The following MCCC1 variants were observed in gnomAD, a reference collection of about 807,000 sequenced individuals.
MCCC1 encodes methylcrotonyl-CoA carboxylase subunit 1.
MCCC1 carries 64 observed loss-of-function variants against 83.8 expected under a neutral mutation model. The ratio of observed to expected loss-of-function variants is 0.76; its 90% CI spans 0.62 to 0.94. MCCC1 has a LOEUF of 0.94. Among genes scored for constraint, MCCC1 ranks in the 40% least tolerant of loss-of-function variants. The pLI is 0.00. For synonymous variants in MCCC1, 322 were observed against 315.4 expected (o/e 1.02, Z -0.22); for missense variants, 807 against 904.7 (o/e 0.89, Z 1.39).
chr3:183,086,046 A>G (rs551637443), intron 4 of MCCC1, among the ~76,000 whole-genome samples: 2 of 152,284 alleles, frequency 1.3e-5, no homozygotes, highest in South Asian at 2.1e-4. Flanking sequence ...TGTTATTATT[A>G]AAGGGTAATT....
At chr3:183,072,537 C>T in intron 4 of MCCC1, 50 bp from the exon 5 acceptor site, 1 of 1,606,056 alleles carries the variant, frequency 6.2e-7, no homozygotes, top group Non-Finnish European at 8.5e-7. Context: ...GCTCAACTGG[C>T]AACACCTTAA....
chr3:183,082,682 C>T (rs1042426687), intron 4 of MCCC1, among the ~76,000 whole-genome samples: 2 of 152,120 alleles, frequency 1.3e-5, no homozygotes, highest in Non-Finnish European at 2.9e-5. Context: ...AACTGGCAAT[C>T]GAGAGAACGA....
In MCCC1 at chr3:183,045,092, C is replaced by CT. The variant is rs35283773; in HGVS notation, c.1083+320dup. On this transcript the variant is annotated intron_variant, in intron 10 of 18. Transcript: ENST00000265594. ...TCACATCCCTCCCATCAAGACTGAT[C>CT]TTTTTTTTTTTTTTTTTAAGATGGA... 0.035 allele frequency among the ~76,000 whole-genome samples: 4,795 copies of CT among 137,766 alleles called. 176 individuals are homozygous for CT. The highest frequency in any genetic ancestry group is 0.096 in the East Asian group (449 of 4,696). The allele number at this position is 137,766 out of a possible 152,430, so 90.4% of individuals were successfully genotyped here.
At chr3:183,093,778 A>G (rs1235077021) in intron 2 of MCCC1, among the ~76,000 whole-genome samples, 1 of 152,194 alleles carries the variant, frequency 6.6e-6, no homozygotes, top group Non-Finnish European at 1.5e-5. Context: ...CAGGGGAAGG[A>G]GAGCACAGTA....
At chr3:183,017,195 TA>T in intron 18 of MCCC1, 70 bp downstream of exon 18, 1 of 1,358,320 alleles carries the variant, frequency 7.4e-7, no homozygotes. Flanking sequence ...ACTTACAAAA[TA>T]AGGCAAAAGA....
intron 15 of MCCC1, among the ~76,000 whole-genome samples, chr3:183,025,072 G>A (rs530797402): frequency 1.2e-4 from 18 of 152,080 alleles, no homozygotes; most frequent in East Asian, 5.8e-4. Context: ...ACATTATTCC[G>A]CTTATATCAG....
Position 183,071,085 on chromosome 3 carries a change from T to C in MCCC1, c.675A>G (p.Gln225=). The C allele has an allele frequency of 6.2e-7, 1 of 1,614,256 alleles. No individual in the cohort carries two copies. Among genetic ancestry groups the C allele is most frequent in the South Asian group, 1.1e-5 (1 of 91,086 alleles). ...CTCTCCGTGCTGACTCTAACTGTTC[T>C]TGAAATTCTTGTTCTGATCTAACAA... ...MRIVRSEQEF[Q]EQLESARREA... The change falls in exon 7 of 19, where the codon CAA becomes CAG. Residue 225 remains glutamine, a synonymous_variant. Transcript: ENST00000265594.
intron 7 of MCCC1, among the ~76,000 whole-genome samples, chr3:183,067,406 A>G (rs1348695788): frequency 6.6e-6 from 1 of 152,252 alleles, no homozygotes; most frequent in Non-Finnish European, 1.5e-5. Context: ...AAAAGCCTGT[A>G]TGGCAAATAA....
chr3:183,044,784 C>A (rs759616315), intron 10 of MCCC1, among the ~76,000 whole-genome samples: 2 of 152,132 alleles, frequency 1.3e-5, no homozygotes, highest in Non-Finnish European at 2.9e-5. Context: ...GCTACAGCAT[C>A]AAATGTGGCT....
intron 3 of MCCC1, among the ~76,000 whole-genome samples, chr3:183,089,959 T>G (rs1201854842): frequency 6.6e-6 from 1 of 152,184 alleles, no homozygotes; most frequent in Non-Finnish European, 1.5e-5. Flanking sequence ...TGGATATATA[T>G]GTATCATGCT....
Position 183,064,939 on chromosome 3 carries a change from C to T in MCCC1, c.761+6060G>A, listed in dbSNP as rs543066510. On this transcript the variant is annotated intron_variant, in intron 7 of 18. Transcript: ENST00000265594. The surrounding 1 kb of genome is among the most constrained non-coding windows in gnomAD (Gnocchi z 4.5). Reference sequence around the variant, plus strand: ...TCCTGCCACAAAGCAATGCTTTTCTCCCTTCCCTTCCCTTTCTCTCTCTGT... The same window carrying T: ...TCCTGCCACAAAGCAATGCTTTTCTTCCTTCCCTTCCCTTTCTCTCTCTGT... 8.9e-4 allele frequency among the ~76,000 whole-genome samples: 135 copies of T among 152,294 alleles called. No homozygotes were observed. The highest frequency in any genetic ancestry group is 3.1e-3 in the African/African-American group (127 of 41,572).
upstream of MCCC1, among the ~76,000 whole-genome samples, chr3:183,104,316 A>G (rs1274517597): frequency 2.6e-5 from 4 of 151,706 alleles, no homozygotes; most frequent in Non-Finnish European, 5.9e-5. Context: ...TCTCAGTTTC[A>G]CCATGTTGGC....
intron 12 of MCCC1, among the ~76,000 whole-genome samples, chr3:183,038,503 G>T (rs745796716): frequency 2.0e-4 from 30 of 152,084 alleles, no homozygotes; most frequent in Non-Finnish European, 3.2e-4. Flanking sequence ...ATCCTTCTAT[G>T]AGCCAAATCA....
chr3:183,053,123 T>TA (rs1715116901), intron 8 of MCCC1, among the ~76,000 whole-genome samples: 1 of 152,150 alleles, frequency 6.6e-6, no homozygotes, highest in South Asian at 2.1e-4. Context: ...TGATTCTGTT[T>TA]AGGTCTAGTC....
At chr3:183,109,902 G>A (rs1233404005) in intron 1 of MCCC1, among the ~76,000 whole-genome samples, 1 of 152,086 alleles carries the variant, frequency 6.6e-6, no homozygotes, top group African/African-American at 2.4e-5. Context: ...TTTCTCTACA[G>A]CCTCACTGTC....
At chr3:183,114,943 C>T (rs536429331) in intron 1 of MCCC1, among the ~76,000 whole-genome samples, 28 of 152,186 alleles carry the variant, frequency 1.8e-4, no homozygotes, top group Non-Finnish European at 4.0e-4. Context: ...GGATGCCCCT[C>T]TACCTTGCCA....
intron 17 of MCCC1, among the ~76,000 whole-genome samples, chr3:183,019,618 G>A (rs1276562123): frequency 2.0e-5 from 3 of 152,180 alleles, no homozygotes; most frequent in Non-Finnish European, 2.9e-5. Flanking sequence ...AAGCCACCCA[G>A]TCTATGGTAT....
At chr3:183,050,946 T>G (rs1714930609) in intron 9 of MCCC1, among the ~76,000 whole-genome samples, 1 of 152,172 alleles carries the variant, frequency 6.6e-6, no homozygotes, top group Non-Finnish European at 1.5e-5. Context: ...TGTTCAACAC[T>G]GTATGTCATT....
intron 11 of MCCC1, among the ~76,000 whole-genome samples, chr3:183,040,650 G>A (rs1485876660): frequency 1.3e-5 from 2 of 151,952 alleles, no homozygotes; most frequent in East Asian, 3.9e-4. Context: ...TTAAGTCAGG[G>A]AGATAAAGGT....
Sources: allele counts gnomAD v4.1 joint callset (sites outside exome capture counted in the v4.1 genomes callset), GRCh38; gene constraint gnomAD v4.1.1; non-coding constraint Gnocchi (gnomAD v3.1); transcripts MANE v1.5; gene names NCBI Gene and HGNC (gene_info 2026-07-23, HGNC 2026-07-21).